GFI1B: variants seen among roughly 807,000 people sequenced by gnomAD.
GFI1B encodes the protein growth factor independent 1B transcriptional repressor, also known as zinc finger protein Gfi-1b.
In GFI1B, 20 loss-of-function variants were observed where a neutral mutation model predicts 35.3. The observed-to-expected ratio is 0.57, with a 90% CI of 0.40 to 0.82. The LOEUF is 0.82. Among genes scored for constraint, GFI1B ranks in the 40% least tolerant of loss-of-function variants. The pLI, the probability that GFI1B is intolerant of heterozygous loss-of-function variation, is 0.00. For synonymous variants in GFI1B, 178 were observed against 177.6 expected (o/e 1.00, Z -0.02); for missense variants, 430 against 446.3 (o/e 0.96, Z 0.33).
At chr9:132,985,452 G>A (rs2905069) in intron 1 of GFI1B, among the ~76,000 whole-genome samples, 110,234 of 151,934 alleles carry the variant, frequency 0.73, 40,179 homozygotes, top group African/African-American at 0.81. Flanking sequence ...TGTCCATGAA[G>A]CCTCAGGCCT....
At chr9:132,966,583 C>T (rs954490759) in intron 1 of GFI1B, among the ~76,000 whole-genome samples, 1 of 152,192 alleles carries the variant, frequency 6.6e-6, no homozygotes, top group Non-Finnish European at 1.5e-5. Context: ...GTTTTGAAGC[C>T]ACCAGTGATG....
At position 132,972,027 on chromosome 9, in the gene GFI1B, C is replaced by G. The variant is rs558497291; in HGVS notation, c.-700-698C>G. On this transcript the variant is annotated intron_variant, in intron 1 of 10. Coordinates refer to the GFI1B transcript ENST00000339463. ...TGGTGGCTCACGCCTGTAATCCCAG[C>G]ACTTTGGGAGGCCGAGGTGGGCAGA... Among the ~76,000 whole-genome samples the G allele has an allele frequency of 3.3e-5, 5 of 151,316 alleles. No homozygotes were observed. The South Asian group carries it at 8.3e-4, about 25-fold the overall frequency.
intron 1 of GFI1B, among the ~76,000 whole-genome samples, chr9:132,966,087 C>T (rs1258981024): frequency 6.6e-6 from 1 of 152,236 alleles, no homozygotes; most frequent in Non-Finnish European, 1.5e-5. Flanking sequence ...AGGCCAGGCA[C>T]AGTGGCTCAC....
Position 132,957,973 on chromosome 9 carries a change from G to A in GFI1B, c.-701+12304G>A, listed in dbSNP as rs796312206. On this transcript the variant is annotated intron_variant, in intron 1 of 10. Coordinates refer to the GFI1B transcript ENST00000339463. ...CAGTAGGTGTAATTTTACAGGTAAG[G>A]GAACTGAGTCAGAGAGACTTGCCCC... Among the ~76,000 whole-genome samples the A allele has an allele frequency of 1.6e-4, 25 of 152,276 alleles. 1 individual carries two copies. Among genetic ancestry groups the A allele is most frequent in the African/African-American group, 5.8e-4 (24 of 41,554 alleles).
At chr9:132,962,092 A>AC (rs56026030) in intron 1 of GFI1B, among the ~76,000 whole-genome samples, 11 of 146,984 alleles carry the variant, frequency 7.5e-5, no homozygotes, top group African/African-American at 1.5e-4. Context: ...ACACACACAC[A>AC]ACCCTACACT....
At chr9:132,947,427 AAAAG>A (rs1349754969) in intron 1 of GFI1B, among the ~76,000 whole-genome samples, 13 of 94,382 alleles carry the variant, frequency 1.4e-4, no homozygotes, top group Admixed American at 4.3e-4. Flanking sequence ...AAAAAAAAAA[AAAAG>A]AAAGAAAAAG....
At chr9:132,983,706 G>A (rs886175636) in intron 1 of GFI1B, among the ~76,000 whole-genome samples, 1 of 152,164 alleles carries the variant, frequency 6.6e-6, no homozygotes, top group Non-Finnish European at 1.5e-5. Flanking sequence ...GCTTGACACG[G>A]GCACACGAGG....
chr9:132,958,859 C>A (rs1848322571), intron 1 of GFI1B, among the ~76,000 whole-genome samples: 1 of 152,116 alleles, frequency 6.6e-6, no homozygotes, highest in African/African-American at 2.4e-5. Flanking sequence ...AGGCAGAGGC[C>A]AAGATTTGGG....
intron 1 of GFI1B, among the ~76,000 whole-genome samples, chr9:132,985,909 A>G (rs1849034782): frequency 6.6e-6 from 1 of 152,104 alleles, no homozygotes; most frequent in Admixed American, 6.5e-5. Context: ...GCTTTCTAGA[A>G]TTGGGGTCCA....
rs1479272040 is a variant in GFI1B, at chr9:132,988,315, C to T, written c.357C>T (p.Tyr119=). ...TGGCCACAACCTATGGCCACAGCTA[C>T]CGGCAGGCCCCCTCCACCATGCAGT... is the stretch of plus-strand genomic sequence containing the variant. ...DTLATTYGHS[Y]RQAPSTMQSA... The change falls in exon 4 of 7, where the codon TAC becomes TAT. Residue 119 remains tyrosine, a synonymous_variant. Coordinates refer to ENST00000372122, the MANE Select transcript of GFI1B (RefSeq NM_001377304.1). 6.2e-7 allele frequency: 1 copy of T among 1,614,196 alleles called. No individual in the cohort carries two copies. The highest frequency in any genetic ancestry group is 8.5e-7 in the Non-Finnish European group (1 of 1,180,008).
At chr9:132,985,625 C>T (rs556588660) in intron 1 of GFI1B, among the ~76,000 whole-genome samples, 29 of 152,236 alleles carry the variant, frequency 1.9e-4, no homozygotes, top group East Asian at 3.9e-4. Context: ...TGCAGGAGCA[C>T]GTGGATTGGC....
chr9:132,984,697 C>T (rs954861162), intron 1 of GFI1B, among the ~76,000 whole-genome samples: 7 of 152,172 alleles, frequency 4.6e-5, no homozygotes, highest in Non-Finnish European at 1.0e-4. Context: ...ATTGGGATCC[C>T]CGTTTAGCAG....
upstream of GFI1B, chr9:132,976,313 T>C (rs1373321931): frequency 1.3e-5 from 2 of 152,168 alleles, no homozygotes; most frequent in African/African-American, 4.8e-5. Flanking sequence ...GACACGCTGG[T>C]TTACAGTAGC....
In GFI1B at chr9:132,989,760, C is replaced by G; in HGVS notation, c.667C>G (p.Arg223Gly). Residue 223 changes from arginine (R) to glycine (G), a missense_variant, in exon 6 of 7, where the codon CGC (arginine) becomes GGC (glycine). By Grantham distance (125) the Arg-to-Gly change is moderately radical. Transcript: ENST00000372122. This position sits in a 1 kb window ranked among gnomAD's most constrained non-coding sequence, Gnocchi z 6.2. ...VHSQERSFEC[R>G]MCGKAFKRSS... Reference sequence around the variant, plus strand: ...CCGGCAGGAGCGCAGCTTCGAGTGCCGCATGTGCGGCAAGGCCTTCAAGCG... The same window carrying G: ...CCGGCAGGAGCGCAGCTTCGAGTGCGGCATGTGCGGCAAGGCCTTCAAGCG... 1 of 1,614,102 alleles carries G rather than the reference C, an allele frequency of 6.2e-7. No individual in the cohort carries two copies. The highest frequency in any genetic ancestry group is 8.5e-7 in the Non-Finnish European group (1 of 1,179,934).
intron 1 of GFI1B, among the ~76,000 whole-genome samples, chr9:132,967,694 A>G (rs1848468819): frequency 6.6e-6 from 1 of 152,224 alleles, no homozygotes; most frequent in African/African-American, 2.4e-5. Context: ...TAGGAGATAC[A>G]TGCTCCAGTA....
At chr9:132,965,837 C>G (rs1231347933) in intron 1 of GFI1B, among the ~76,000 whole-genome samples, 1 of 152,190 alleles carries the variant, frequency 6.6e-6, no homozygotes, top group Non-Finnish European at 1.5e-5. Flanking sequence ...TGTTTTAAGC[C>G]ACCCAACATG....
upstream of GFI1B, among the ~76,000 whole-genome samples, chr9:132,976,947 AAATAATAAT>A (rs532295776): frequency 1.3e-5 from 2 of 151,842 alleles, no homozygotes; most frequent in Non-Finnish European, 2.9e-5. Context: ...GTCTCTAAGA[AAATAATAAT>A]AATAATAATA....
At chr9:132,976,409 G>GCATAA (rs1042847184), upstream of GFI1B, 5 of 152,182 alleles carry the variant, frequency 3.3e-5, no homozygotes, top group African/African-American at 1.2e-4. Flanking sequence ...TAAGTTTTCT[G>GCATAA]CATAATGACA....
chr9:132,992,486 C>T (rs934415603), downstream of GFI1B, among the ~76,000 whole-genome samples: 1 of 152,130 alleles, frequency 6.6e-6, no homozygotes, highest in African/African-American at 2.4e-5. Context: ...GGCTCAGCTT[C>T]CTCCTCTGTA....
Sources: allele counts gnomAD v4.1 joint callset (sites outside exome capture counted in the v4.1 genomes callset), GRCh38; gene constraint gnomAD v4.1.1; non-coding constraint Gnocchi (gnomAD v3.1); transcripts MANE v1.5; gene names NCBI Gene and HGNC (gene_info 2026-07-23, HGNC 2026-07-21).